Variants in HPGDS observed in about 807,000 individuals in gnomAD.
The protein encoded by HPGDS is hematopoietic prostaglandin D synthase.
Under a neutral mutation model 23.1 loss-of-function variants are expected in HPGDS, and 26 were observed. That is an observed-to-expected ratio of 1.13 (90% CI 0.83 to 1.56). The LOEUF (loss-of-function observed/expected upper bound fraction) is 1.56, where lower values mean the gene tolerates loss of function less well. Ranked by LOEUF, HPGDS falls within the 40% of genes most tolerant of loss-of-function variation. The probability of loss-of-function intolerance (pLI) is 0.00; values close to 1 mark genes in which losing one functional copy is unlikely to be tolerated. For missense variants in HPGDS, 268 were observed against 236.4 expected, an observed-to-expected ratio of 1.13 and a Z score of -0.88; for synonymous variants, 95 against 77.9, an observed-to-expected ratio of 1.22 and a Z score of -1.16.
chr4:94,299,522 G>T lies in HPGDS; in HGVS notation c.558C>A (p.Ala186=). ...TLRKKVQAIP[A]VANWIKRRPQ... ...GCCTTCGTTTTATCCAGTTAGCGAC[G>T]GCAGGAATGGCTTGGACTTTCTTCC... Residue 186 remains alanine (A), a synonymous_variant, in exon 6 of 6, where the codon GCC becomes GCA. Transcript: ENST00000295256. 6.2e-7 allele frequency: 1 copy of T among 1,613,592 alleles called. No individual in the cohort carries two copies. The highest frequency in any genetic ancestry group is 8.5e-7 in the Non-Finnish European group (1 of 1,179,846).
At chr4:94,331,764 A>G (rs1167034198) in intron 2 of HPGDS, among the ~76,000 whole-genome samples, 7 of 152,146 alleles carry the variant, frequency 4.6e-5, no homozygotes, top group African/African-American at 1.7e-4. Flanking sequence ...CCTCTGGTCT[A>G]TCCTCCCCTG....
At chr4:94,319,523 G>C (rs1217646489) in intron 2 of HPGDS, among the ~76,000 whole-genome samples, 1 of 152,134 alleles carries the variant, frequency 6.6e-6, no homozygotes, top group Admixed American at 6.6e-5. Flanking sequence ...TTCATTGATA[G>C]ATAAAGGCTT....
chr4:94,336,613 T>C (rs1048905982), intron 1 of HPGDS, among the ~76,000 whole-genome samples: 1 of 152,110 alleles, frequency 6.6e-6, no homozygotes, highest in Non-Finnish European at 1.5e-5. Context: ...ACTAAATAAA[T>C]AAGAATTCCA....
chr4:94,322,758 C>G (rs1699071426), intron 2 of HPGDS, among the ~76,000 whole-genome samples: 1 of 151,996 alleles, frequency 6.6e-6, no homozygotes, highest in Non-Finnish European at 1.5e-5. Flanking sequence ...GTATCTCTGT[C>G]TCCTTCAGTT....
At chr4:94,340,303 T>C (rs867091199) in intron 1 of HPGDS, among the ~76,000 whole-genome samples, 9 of 58,818 alleles carry the variant, frequency 1.5e-4, no homozygotes, top group South Asian at 4.9e-4. Context: ...CTTTCTTTCT[T>C]TCTTTCTCTT....
chr4:94,333,711 G>A (rs190300109), intron 2 of HPGDS, among the ~76,000 whole-genome samples: 29 of 152,256 alleles, frequency 1.9e-4, no homozygotes, highest in Non-Finnish European at 2.6e-4. Flanking sequence ...GAAAAGTTCA[G>A]GTAGAATAGG....
At chr4:94,310,534 G>A (rs536242137) in intron 3 of HPGDS, among the ~76,000 whole-genome samples, 9 of 152,300 alleles carry the variant, frequency 5.9e-5, no homozygotes, top group Non-Finnish European at 1.0e-4. Context: ...TTTGGTTACT[G>A]TAGCCTTGTA....
At chr4:94,306,282 A>C (rs1756137079) in intron 4 of HPGDS, among the ~76,000 whole-genome samples, 1 of 152,070 alleles carries the variant, frequency 6.6e-6, no homozygotes. Context: ...AAACCACTAG[A>C]AGCTGTAATA....
intron 4 of HPGDS, among the ~76,000 whole-genome samples, chr4:94,305,621 T>G (rs1182998295): frequency 6.6e-6 from 1 of 152,076 alleles, no homozygotes; most frequent in East Asian, 1.9e-4. Flanking sequence ...TGCGCAGCTG[T>G]TTTGAACAGC....
At chr4:94,321,581 T>A (rs1436564738) in intron 2 of HPGDS, among the ~76,000 whole-genome samples, 1 of 152,210 alleles carries the variant, frequency 6.6e-6, no homozygotes, top group East Asian at 1.9e-4. Flanking sequence ...TATTGGTGTA[T>A]AGCAATGCTT....
chr4:94,330,661 C>T (rs1756718236), intron 2 of HPGDS, among the ~76,000 whole-genome samples: 2 of 152,104 alleles, frequency 1.3e-5, no homozygotes. Flanking sequence ...AGTTGGACCT[C>T]CTAAACTGAG....
At position 94,326,455 on chromosome 4, in the gene HPGDS, G is replaced by A. The variant is rs535441128; in HGVS notation, c.133+8042C>T. On this transcript the variant is annotated intron_variant, in intron 2 of 5. Transcript: ENST00000295256. ...CTGACTGGGTTATTTCAAAAGACCT[G>A]TCTTCAAGTTCAGAAATTCTTCGCT... Among the ~76,000 whole-genome samples, 8 of 151,744 alleles carry A rather than the reference G, an allele frequency of 5.3e-5. No individual in the cohort carries two copies. The East Asian group carries it at 1.2e-3, about 22-fold the overall frequency.
Position 94,310,511 on chromosome 4 carries a change from A to T in HPGDS, c.227-1768T>A, listed in dbSNP as rs1681972389. ...CTGCCTATATCTCTGTTTTGGTACC[A>T]GTACCATGCTGTTTTGGTTACTGTA... On this transcript the variant is annotated intron_variant, in intron 3 of 5. Coordinates refer to ENST00000295256, the MANE Select transcript of HPGDS (RefSeq NM_014485.3). Among the ~76,000 whole-genome samples the T allele has an allele frequency of 3.9e-5, 6 of 152,304 alleles. No homozygotes were observed. The South Asian group carries it at 1.2e-3, about 32-fold the overall frequency.
At chr4:94,306,071 T>A (rs1428654120) in intron 4 of HPGDS, among the ~76,000 whole-genome samples, 2 of 152,106 alleles carry the variant, frequency 1.3e-5, no homozygotes, top group African/African-American at 4.8e-5. Flanking sequence ...TTGATGAGTG[T>A]GGTTCTGATC....
chr4:94,321,235 TGGCAATGCA>T (rs1351696937), intron 2 of HPGDS, among the ~76,000 whole-genome samples: 1 of 152,236 alleles, frequency 6.6e-6, no homozygotes, highest in Non-Finnish European at 1.5e-5. Flanking sequence ...AGGATTGACT[TGGCAATGCA>T]GGCTCTTTTT....
chr4:94,327,053 G>C (rs181567119), intron 2 of HPGDS, among the ~76,000 whole-genome samples: 41 of 152,162 alleles, frequency 2.7e-4, no homozygotes, highest in Non-Finnish European at 4.4e-4. Context: ...TTGCTGGGGA[G>C]GGGGATGCCA....
intron 1 of HPGDS, among the ~76,000 whole-genome samples, chr4:94,338,114 A>C (rs940161155): frequency 3.9e-5 from 6 of 152,336 alleles, no homozygotes; most frequent in African/African-American, 1.4e-4. Context: ...CCATCTGTAT[A>C]ATAAACTACA....
Position 94,302,219 on chromosome 4 carries a change from G to A in HPGDS, c.362C>T (p.Thr121Met), listed in dbSNP as rs150435932. Residue 121 changes from threonine (T) to methionine (M), a missense_variant, in exon 5 of 6, where the codon ACG becomes ATG. Coordinates refer to ENST00000295256, the MANE Select transcript of HPGDS (RefSeq NM_014485.3). The stretch of plus-strand genomic sequence containing the variant: ...TTGCATAAGATGAGGCGCATTATAC[G>A]TGAGCAGCTCATTGAACATCTGCTC... ...VKEQMFNELL[T>M]YNAPHLMQDL... is the part of the protein sequence containing the mutation. 8.6e-5 allele frequency: 138 copies of A among 1,611,874 alleles called. 1 individual carries two copies. The East Asian group carries it at 1.7e-3, about 20-fold the overall frequency.
intron 5 of HPGDS, among the ~76,000 whole-genome samples, chr4:94,300,830 C>G (rs1222884026): frequency 6.6e-6 from 1 of 152,062 alleles, no homozygotes; most frequent in Non-Finnish European, 1.5e-5. Context: ...AGATTAAGAC[C>G]TGCAGTGAGC....
Sources: gnomAD v4.1 joint callset for allele counts (sites outside exome capture counted in the v4.1 genomes callset) on GRCh38, gnomAD v4.1.1 for gene constraint, MANE v1.5 for transcripts, NCBI Gene and HGNC (gene_info 2026-07-23, HGNC 2026-07-21) for gene names.